The following PLEKHA5 variants were observed in gnomAD, a reference collection of about 807,000 sequenced individuals.
The protein encoded by PLEKHA5 is pleckstrin homology domain-containing family A member 5.
Under a neutral mutation model 181.9 loss-of-function variants are expected in PLEKHA5, and 55 were observed. The ratio of observed to expected loss-of-function variants is 0.30; its 90% CI spans 0.24 to 0.38. The LOEUF (loss-of-function observed/expected upper bound fraction) is 0.38. PLEKHA5 is among the 10% of genes least tolerant of loss of function. The pLI is 1.00. For synonymous variants in PLEKHA5, 535 were observed against 529.4 expected, an observed-to-expected ratio of 1.01 and a Z score of -0.15; for missense variants, 1,432 against 1,549.5, an observed-to-expected ratio of 0.92 and a Z score of 1.27.
At chr12:19,334,908 A>G (rs1166118774) in intron 20 of PLEKHA5, among the ~76,000 whole-genome samples, 1 of 59,854 alleles carries the variant, frequency 1.7e-5, no homozygotes, top group Non-Finnish European at 5.8e-5. Flanking sequence ...TTAGCCGGGC[A>G]TAGGGGTGAT....
At chr12:19,230,576 G>A (rs560815701) in intron 3 of PLEKHA5, among the ~76,000 whole-genome samples, 10 of 152,256 alleles carry the variant, frequency 6.6e-5, no homozygotes, top group Admixed American at 2.0e-4. Flanking sequence ...GGCACCCGGC[G>A]CCCCCTCCAC....
chr12:19,223,125 G>A (rs1023077838), intron 3 of PLEKHA5, among the ~76,000 whole-genome samples: 3 of 149,936 alleles, frequency 2.0e-5, no homozygotes, highest in Admixed American at 6.7e-5. Context: ...AGTGCCTCCC[G>A]CTACAACCCG....
chr12:19,286,735 G>A (rs954821075), intron 12 of PLEKHA5, among the ~76,000 whole-genome samples: 1 of 152,102 alleles, frequency 6.6e-6, no homozygotes, highest in African/African-American at 2.4e-5. Flanking sequence ...GGAGGCCGAG[G>A]TAGGTGGATT....
chr12:19,222,316 A>G (rs920169999), intron 3 of PLEKHA5, among the ~76,000 whole-genome samples: 7 of 152,052 alleles, frequency 4.6e-5, no homozygotes, highest in African/African-American at 1.7e-4. Flanking sequence ...TAGTGTCTGT[A>G]ATTTCTGTTT....
At chr12:19,162,447 T>C (rs559938278) in intron 3 of PLEKHA5, among the ~76,000 whole-genome samples, 31 of 152,286 alleles carry the variant, frequency 2.0e-4, no homozygotes, top group Non-Finnish European at 3.2e-4. Flanking sequence ...CATACATTAA[T>C]TTTAGATATT....
intron 31 of PLEKHA5, chr12:19,372,291 A>G (rs574018790): frequency 6.6e-6 from 1 of 152,228 alleles, no homozygotes; most frequent in South Asian, 2.1e-4. Flanking sequence ...CACCCGGCCA[A>G]TTATGGCCAT....
At chr12:19,371,536 C>T (rs894114859) in intron 31 of PLEKHA5, 4 of 163,058 alleles carry the variant, frequency 2.5e-5, no homozygotes, top group Admixed American at 1.9e-4. Context: ...AGTGTAGCTC[C>T]AACTTATAAG....
At chr12:19,212,500 G>A (rs920920507) in intron 3 of PLEKHA5, among the ~76,000 whole-genome samples, 28 of 152,082 alleles carry the variant, frequency 1.8e-4, no homozygotes, top group Non-Finnish European at 4.4e-5. Context: ...GGCCAACATG[G>A]TGATATCTCA....
At chr12:19,170,023 T>G (rs1370350875) in intron 3 of PLEKHA5, among the ~76,000 whole-genome samples, 10 of 152,228 alleles carry the variant, frequency 6.6e-5, no homozygotes, top group South Asian at 2.1e-4. Flanking sequence ...TATTATCTGT[T>G]GTTAATTATG....
intron 11 of PLEKHA5, among the ~76,000 whole-genome samples, chr12:19,280,517 C>T (rs2075835030): frequency 6.6e-6 from 1 of 151,998 alleles, no homozygotes; most frequent in African/African-American, 2.4e-5. Flanking sequence ...TTACCAATAT[C>T]TCTGACATTT....
intron 20 of PLEKHA5, among the ~76,000 whole-genome samples, chr12:19,330,510 C>T (rs2092734039): frequency 6.6e-6 from 1 of 151,968 alleles, no homozygotes; most frequent in South Asian, 2.1e-4. Context: ...ATGAGGCATG[C>T]CATGTGCTTA....
At chr12:19,215,585 A>G (rs1477027398) in intron 3 of PLEKHA5, among the ~76,000 whole-genome samples, 2 of 152,318 alleles carry the variant, frequency 1.3e-5, no homozygotes, top group African/African-American at 4.8e-5. Flanking sequence ...ATATAATCAT[A>G]TTCTTCTGAG....
intron 3 of PLEKHA5, among the ~76,000 whole-genome samples, chr12:19,189,454 C>T (rs2050584798): frequency 6.6e-6 from 1 of 151,932 alleles, no homozygotes; most frequent in South Asian, 2.1e-4. Flanking sequence ...AAATTGCAGC[C>T]CTGTGATTCA....
intron 30 of PLEKHA5, among the ~76,000 whole-genome samples, chr12:19,367,418 G>A (rs1323642498): frequency 3.3e-5 from 5 of 150,526 alleles, no homozygotes; most frequent in Non-Finnish European, 7.4e-5. Context: ...ACCACGCCCA[G>A]CTAATTTTTG....
intron 3 of PLEKHA5, among the ~76,000 whole-genome samples, chr12:19,177,334 A>G (rs566472472): frequency 1.7e-4 from 26 of 152,308 alleles, no homozygotes; most frequent in Admixed American, 1.4e-3. Flanking sequence ...AGTGATTACA[A>G]TTATTCTTTT....
At chr12:19,253,591 T>C (rs1014024872) in intron 3 of PLEKHA5, among the ~76,000 whole-genome samples, 2 of 151,600 alleles carry the variant, frequency 1.3e-5, no homozygotes, top group Non-Finnish European at 2.9e-5. Context: ...CCGAGGCGGG[T>C]GGATCACCTG....
intron 3 of PLEKHA5, among the ~76,000 whole-genome samples, chr12:19,229,396 G>A (rs1049111348): frequency 3.9e-5 from 6 of 152,104 alleles, no homozygotes; most frequent in East Asian, 1.9e-4. Context: ...AGATGTGTTC[G>A]GAGTTTCTTC....
chr12:19,350,355 T>C (rs1015980615), intron 25 of PLEKHA5, among the ~76,000 whole-genome samples: 2 of 152,330 alleles, frequency 1.3e-5, no homozygotes, highest in Admixed American at 1.3e-4. Flanking sequence ...TATGTATTTA[T>C]GCAGAGATAA....
rs749445156 is a variant in PLEKHA5 at position 19,353,945 on chromosome 12, G to A, written c.3081G>A (p.Ser1027=). Residue 1027 remains serine, a synonymous_variant, in exon 26 of 32, where the codon TCG becomes TCA. Coordinates refer to ENST00000429027, the MANE Select transcript of PLEKHA5 (RefSeq NM_001256470.2). ...PRAKSPTPES[S]TIASYVTLRK... is the part of the protein sequence containing the mutation. ...CAAAATCACCAACACCCGAATCTTCGACAATAGCTTCCTATGTAACCTTGA... is the reference window on the plus strand; with the variant it reads ...CAAAATCACCAACACCCGAATCTTCAACAATAGCTTCCTATGTAACCTTGA... 14 of 1,610,830 alleles carry A rather than the reference G, an allele frequency of 8.7e-6. No individual in the cohort carries two copies. The highest frequency in any genetic ancestry group is 5.3e-5 in the African/African-American group (4 of 74,794).
Sources: gnomAD v4.1 joint callset for allele counts (sites outside exome capture counted in the v4.1 genomes callset) on GRCh38, gnomAD v4.1.1 for gene constraint, MANE v1.5 for transcripts, NCBI Gene and HGNC (gene_info 2026-07-23, HGNC 2026-07-21) for gene names.